AJAP1: variants seen among roughly 807,000 people sequenced by gnomAD.
The protein encoded by AJAP1 is adherens junctions associated protein 1.
A neutral mutation model predicts 35.0 loss-of-function variants in AJAP1; 5 were observed. The ratio of observed to expected loss-of-function variants is 0.14; its 90% CI spans 0.07 to 0.30. AJAP1 has a LOEUF of 0.30. AJAP1 is among the 10% of genes least tolerant of loss of function. The pLI is 1.00. For missense variants in AJAP1, 586 were observed against 571.0 expected (o/e 1.03, Z -0.27); for synonymous variants, 284 against 249.3 (o/e 1.14, Z -1.31).
At chr1:4,736,260 C>A (rs1403093466) in intron 2 of AJAP1, among the ~76,000 whole-genome samples, 2 of 152,242 alleles carry the variant, frequency 1.3e-5, no homozygotes, top group African/African-American at 4.8e-5. Flanking sequence ...CAAGAACTGT[C>A]ATTGGCTCCC....
chr1:4,769,138 G>A (rs993986539), intron 2 of AJAP1, among the ~76,000 whole-genome samples: 9 of 152,166 alleles, frequency 5.9e-5, no homozygotes, highest in African/African-American at 2.2e-4. Context: ...TCCCCATTCA[G>A]GTATTGGGGC....
chr1:4,744,967 G>T (rs1431061158), intron 2 of AJAP1, among the ~76,000 whole-genome samples: 1 of 152,010 alleles, frequency 6.6e-6, no homozygotes, highest in Non-Finnish European at 1.5e-5. Flanking sequence ...GGGGCCACAG[G>T]GTCCAGACCT....
chr1:4,697,868 C>T (rs1027458501), intron 1 of AJAP1, among the ~76,000 whole-genome samples: 1 of 152,246 alleles, frequency 6.6e-6, no homozygotes, highest in Non-Finnish European at 1.5e-5. Flanking sequence ...TGGGCCTGTC[C>T]TCAGGGCAGC....
chr1:4,655,300 G>A lies in AJAP1; in HGVS notation c.-126G>A, dbSNP rs1226383766. ...ACTCGCTGTGCGCCCCGCGGCCGGC[G>A]GGCGGCGGGAGGCGGCGGACCGAGA... On this transcript the variant is annotated 5_prime_UTR_variant, in exon 1 of 6. Coordinates refer to ENST00000378191, the MANE Select transcript of AJAP1 (RefSeq NM_018836.4). The surrounding 1 kb of genome is among the most constrained non-coding windows in gnomAD (Gnocchi z 6.9). 1 of 711,016 alleles carries A rather than the reference G, an allele frequency of 1.4e-6. No homozygotes were observed. The highest frequency in any genetic ancestry group is 1.8e-6 in the Non-Finnish European group (1 of 549,350). 44.0% of individuals were successfully genotyped at this position (711,016 alleles called of 1,614,324 possible).
In AJAP1 at chr1:4,783,195, G is replaced by A. The variant is rs1359023312; in HGVS notation, c.*710G>A. ...AGTGTTTTCTACTTTGGCAACTCAC[G>A]TCACACACATATTACACACATGTGC... is the stretch of plus-strand genomic sequence containing the variant. On this transcript the variant is annotated 3_prime_UTR_variant, in exon 6 of 6. Transcript: ENST00000378191. The A allele has an allele frequency of 1.1e-5, 2 of 186,602 alleles. No individual in the cohort carries two copies. The highest frequency in any genetic ancestry group is 2.1e-5 in the Non-Finnish European group (2 of 94,356). 11.6% of individuals were successfully genotyped at this position (186,602 alleles called of 1,614,324 possible). A position where few individuals can be genotyped will look rare whatever the true frequency, so the allele number is the denominator to read the frequency against.
chr1:4,750,972 G>T (rs1641307182), intron 2 of AJAP1, among the ~76,000 whole-genome samples: 1 of 151,228 alleles, frequency 6.6e-6, no homozygotes, highest in African/African-American at 2.4e-5. Context: ...CCAATCCCCA[G>T]TGTAGAATCC....
chr1:4,704,315 AC>A (rs1302562069), intron 1 of AJAP1, among the ~76,000 whole-genome samples: 1 of 57,944 alleles, frequency 1.7e-5, no homozygotes, highest in Non-Finnish European at 3.2e-5. Flanking sequence ...CCCTCCCCCC[AC>A]CCCACAACGG....
intron 1 of AJAP1, among the ~76,000 whole-genome samples, chr1:4,705,528 T>C (rs10915590): frequency 0.34 from 50,586 of 148,284 alleles, 8,936 homozygotes; most frequent in South Asian, 0.48. Context: ...GTGACAGCAC[T>C]GGGCAAACGT....
chr1:4,658,581 A>G (rs1299036760), intron 1 of AJAP1, among the ~76,000 whole-genome samples: 1 of 152,066 alleles, frequency 6.6e-6, no homozygotes, highest in Non-Finnish European at 1.5e-5. Context: ...CGGCTGTGCT[A>G]CTCCTCGGGG....
intron 2 of AJAP1, among the ~76,000 whole-genome samples, chr1:4,724,618 T>C (rs1037672879): frequency 2.0e-5 from 3 of 152,110 alleles, no homozygotes; most frequent in Non-Finnish European, 4.4e-5. Context: ...CCACCGGCCG[T>C]CACCTAGCCC....
At chr1:4,718,451 A>G (rs1640444439) in intron 2 of AJAP1, among the ~76,000 whole-genome samples, 1 of 151,740 alleles carries the variant, frequency 6.6e-6, no homozygotes, top group South Asian at 2.1e-4. Flanking sequence ...TTAATCCTTA[A>G]GAACTGAGAT....
At chr1:4,732,799 C>T (rs1640830382) in intron 2 of AJAP1, among the ~76,000 whole-genome samples, 1 of 152,228 alleles carries the variant, frequency 6.6e-6, no homozygotes. Flanking sequence ...TCAGTCAGTT[C>T]TCCAGACCAG....
At chr1:4,697,677 G>A (rs568082173) in intron 1 of AJAP1, among the ~76,000 whole-genome samples, 8 of 152,334 alleles carry the variant, frequency 5.3e-5, no homozygotes, top group Admixed American at 1.3e-4. Flanking sequence ...TCTCCAAAAC[G>A]CCAGCCCCTC....
rs1642145726 is a variant in AJAP1 at position 4,785,444 on chromosome 1, A to T, written c.*2959A>T. On this transcript the variant is annotated 3_prime_UTR_variant, in exon 6 of 6. Transcript: ENST00000378191. ...TTTTTAAATGGTTACCTGCTCTCCC[A>T]GACCCCTCACCTGGGATTGTCGTCT... is the stretch of plus-strand genomic sequence containing the variant. The T allele has an allele frequency of 2.6e-5, 4 of 152,244 alleles. No individual in the cohort carries two copies. The highest frequency in any genetic ancestry group is 2.0e-4 in the Admixed American group (3 of 15,286). 9.4% of individuals were successfully genotyped at this position (152,244 alleles called of 1,614,324 possible). A position where few individuals can be genotyped will look rare whatever the true frequency, so the allele number is the denominator to read the frequency against.
rs1458971153 is a variant in AJAP1, at chr1:4,789,834, A to T, written c.*7349A>T. On this transcript the variant is annotated 3_prime_UTR_variant, in exon 6 of 6. Transcript: ENST00000378191. This position sits in a 1 kb window ranked among gnomAD's most constrained non-coding sequence, Gnocchi z 4.4. Reference sequence around the variant, plus strand: ...TTTGTTTTCGGCACCATTATGTACGATGAAGACTTACAGCCACTGCTAATA... The same window carrying T: ...TTTGTTTTCGGCACCATTATGTACGTTGAAGACTTACAGCCACTGCTAATA... The T allele has an allele frequency of 6.6e-6, 1 of 151,450 alleles. No homozygotes were observed. Among genetic ancestry groups the T allele is most frequent in the African/African-American group, 2.4e-5 (1 of 40,984 alleles). The allele number at this position is 151,450 out of a possible 1,614,324, so 9.4% of individuals were successfully genotyped here. A position where few individuals can be genotyped will look rare whatever the true frequency, so the allele number is the denominator to read the frequency against.
chr1:4,712,787 G>A, intron 2 of AJAP1, 88 bp downstream of exon 2: 1 of 1,361,002 alleles, frequency 7.3e-7, no homozygotes, highest in Non-Finnish European at 9.8e-7. Context: ...GTCCCTGGGT[G>A]ATGCTATGTG....
At chr1:4,658,496 G>A (rs931370676) in intron 1 of AJAP1, among the ~76,000 whole-genome samples, 3 of 152,328 alleles carry the variant, frequency 2.0e-5, no homozygotes, top group Middle Eastern at 3.4e-3. Flanking sequence ...ATTGCGCTCC[G>A]GGTGAATCCT....
chr1:4,735,102 C>G (rs1640887644), intron 2 of AJAP1, among the ~76,000 whole-genome samples: 1 of 152,198 alleles, frequency 6.6e-6, no homozygotes, highest in Admixed American at 6.5e-5. Context: ...AGAGGGGCTT[C>G]TCTTCTACAC....
intron 2 of AJAP1, among the ~76,000 whole-genome samples, chr1:4,765,116 C>T (rs1324404463): frequency 6.6e-6 from 1 of 152,166 alleles, no homozygotes; most frequent in Non-Finnish European, 1.5e-5. Context: ...GAAAAAGCCC[C>T]CAAATTAGCA....
Sources: allele counts gnomAD v4.1 joint callset (sites outside exome capture counted in the v4.1 genomes callset), GRCh38; gene constraint gnomAD v4.1.1; non-coding constraint Gnocchi (gnomAD v3.1); transcripts MANE v1.5; gene names NCBI Gene and HGNC (gene_info 2026-07-23, HGNC 2026-07-21).